The following CCDC171 variants were observed in gnomAD, a reference collection of about 807,000 sequenced individuals.
CCDC171 encodes the protein coiled-coil domain containing 171.
Under a neutral mutation model 168.2 loss-of-function variants are expected in CCDC171, and 177 were observed. The ratio of observed to expected loss-of-function variants is 1.05; its 90% CI spans 0.93 to 1.19. The LOEUF (loss-of-function observed/expected upper bound fraction) is 1.19, where lower values mean the gene tolerates loss of function less well. Among genes scored for constraint, CCDC171 ranks in the 50% most tolerant of loss-of-function variants. The probability of loss-of-function intolerance (pLI) is 0.00; values close to 1 mark genes in which losing one functional copy is unlikely to be tolerated. For missense variants in CCDC171, 1,991 were observed against 1,539.0 expected, an observed-to-expected ratio of 1.29 and a Z score of -4.91; for synonymous variants, 687 against 540.8, an observed-to-expected ratio of 1.27 and a Z score of -3.75.
chr9:15,727,581 T>A (rs908086451), intron 14 of CCDC171, among the ~76,000 whole-genome samples: 2 of 152,168 alleles, frequency 1.3e-5, no homozygotes, highest in Non-Finnish European at 2.9e-5. Flanking sequence ...CCTGAGCAGG[T>A]GTTTACTCAA....
downstream of CCDC171, among the ~76,000 whole-genome samples, chr9:15,974,802 A>C (rs563548594): frequency 1.3e-5 from 2 of 152,296 alleles, no homozygotes; most frequent in East Asian, 3.9e-4. Flanking sequence ...TTCCTATTTC[A>C]TATTTATGAC....
intron 6 of CCDC171, among the ~76,000 whole-genome samples, chr9:15,614,156 T>C (rs901133040): frequency 1.3e-5 from 2 of 152,216 alleles, no homozygotes; most frequent in African/African-American, 4.8e-5. Context: ...ACTGAGGCCT[T>C]CTCAGGGACT....
At chr9:16,082,921 CT>C in the CCDC171 span, among the ~76,000 whole-genome samples, 1 of 152,200 alleles carries the variant, frequency 6.6e-6, no homozygotes, top group Non-Finnish European at 1.5e-5. Flanking sequence ...CCACTCCAAC[CT>C]TATACTCACA....
intron 8 of CCDC171, among the ~76,000 whole-genome samples, chr9:15,661,854 A>T (rs1056932620): frequency 2.6e-5 from 4 of 152,222 alleles, no homozygotes; most frequent in Non-Finnish European, 4.4e-5. Context: ...TATTCCCCAG[A>T]TTTACTGTTT....
At chr9:16,025,403 G>A (rs944306097) in intron 6 of CCDC171, among the ~76,000 whole-genome samples, 1 of 152,194 alleles carries the variant, frequency 6.6e-6, no homozygotes, top group African/African-American at 2.4e-5. Flanking sequence ...GCAGTGAGCT[G>A]AGATTGCGCC....
At chr9:15,620,790 T>C (rs2044440285) in intron 6 of CCDC171, among the ~76,000 whole-genome samples, 1 of 152,186 alleles carries the variant, frequency 6.6e-6, no homozygotes. Flanking sequence ...CAAACTTCTT[T>C]GTTGCCTTAT....
chr9:15,755,341 A>G (rs1236998986), intron 18 of CCDC171, among the ~76,000 whole-genome samples: 2 of 152,202 alleles, frequency 1.3e-5, no homozygotes, highest in Admixed American at 1.3e-4. Flanking sequence ...TGAAAAGGAT[A>G]CAGATGCTTT....
chr9:16,090,214 T>C, the CCDC171 span, among the ~76,000 whole-genome samples: 1 of 152,258 alleles, frequency 6.6e-6, no homozygotes, highest in Admixed American at 6.5e-5. Flanking sequence ...ATGTGACACA[T>C]ATACACCATG....
At chr9:15,814,878 A>G (rs7048479) in intron 21 of CCDC171, among the ~76,000 whole-genome samples, 6,378 of 152,252 alleles carry the variant, frequency 0.042, 308 homozygotes, top group African/African-American at 0.11. Flanking sequence ...TATCGAAAGT[A>G]ATTAGAATAT....
At chr9:15,741,767 T>G (rs1430775304) in intron 16 of CCDC171, among the ~76,000 whole-genome samples, 2 of 152,252 alleles carry the variant, frequency 1.3e-5, no homozygotes, top group East Asian at 3.8e-4. Context: ...ACTTGCTTTT[T>G]GTTGCCTAGT....
chr9:15,636,752 A>G (rs1320572120), intron 7 of CCDC171, among the ~76,000 whole-genome samples: 14 of 142,518 alleles, frequency 9.8e-5, no homozygotes, highest in Admixed American at 9.8e-4. Flanking sequence ...CCTGCCTCAA[A>G]AAAAAAAAAA....
chr9:15,901,115 T>C (rs935881313), intron 24 of CCDC171, among the ~76,000 whole-genome samples: 3 of 152,144 alleles, frequency 2.0e-5, no homozygotes, highest in Non-Finnish European at 1.5e-5. Context: ...TTTTAAAGGT[T>C]TTAAGAGAAA....
At position 15,591,642 on chromosome 9, in the gene CCDC171, C is replaced by T. The variant is rs1295849131; in HGVS notation, c.543+86C>T. ...ATTACTTGAAGTTATCCTGGATTTC[C>T]TTCCTTCCTTTTTCCTTCCTCCTTC... On this transcript the variant is annotated intron_variant, in intron 5 of 25. Transcript: ENST00000380701. 1.8e-5 allele frequency: 14 copies of T among 796,886 alleles called. No homozygotes were observed. The East Asian group carries it at 2.8e-4, about 16-fold the overall frequency. 49.4% of individuals were successfully genotyped at this position (796,886 alleles called of 1,614,324 possible). A position where few individuals can be genotyped will look rare whatever the true frequency, so the allele number is the denominator to read the frequency against.
At chr9:15,558,337 G>T (rs897477422) in intron 1 of CCDC171, among the ~76,000 whole-genome samples, 1 of 152,090 alleles carries the variant, frequency 6.6e-6, no homozygotes, top group Non-Finnish European at 1.5e-5. Flanking sequence ...TGTACCTCTG[G>T]TAGAATTTGG....
intron 18 of CCDC171, among the ~76,000 whole-genome samples, chr9:15,765,513 T>C (rs2056674135): frequency 6.6e-6 from 1 of 152,140 alleles, no homozygotes; most frequent in African/African-American, 2.4e-5. Flanking sequence ...AGGCAGAGTA[T>C]ATGGGTACAG....
At position 15,792,580 on chromosome 9, in the gene CCDC171, C is replaced by T. The variant is rs532383633; in HGVS notation, c.3267+7886C>T. ...GTTAAGGGCAGCCAGAGAGAAAGGT[C>T]GGGTTGCCCACAAAGGGAAGCCCAT... On this transcript the variant is annotated intron_variant, in intron 21 of 25. Coordinates refer to ENST00000380701, the MANE Select transcript of CCDC171 (RefSeq NM_173550.4). 5.1e-3 allele frequency among the ~76,000 whole-genome samples: 770 copies of T among 152,242 alleles called. 3 individuals are homozygous for T. The highest frequency in any genetic ancestry group is 0.01 in the Middle Eastern group (3 of 294).
chr9:15,621,057 C>G (rs1173113715), intron 6 of CCDC171, among the ~76,000 whole-genome samples: 1 of 152,130 alleles, frequency 6.6e-6, no homozygotes, highest in Non-Finnish European at 1.5e-5. Flanking sequence ...TCTCTGCTTC[C>G]TGGGTTCAAG....
intron 2 of CCDC171, among the ~76,000 whole-genome samples, chr9:15,565,220 C>A (rs2039636202): frequency 6.6e-6 from 1 of 151,934 alleles, no homozygotes. Context: ...TCCTAAGTAG[C>A]TGGGATTATA....
At chr9:16,060,872 G>C (rs1451990078) in exon 2 of CCDC171, 1 of 152,056 alleles carries the variant, frequency 6.6e-6, no homozygotes, top group Non-Finnish European at 1.5e-5. Flanking sequence ...TGTGTTTTTT[G>C]CAAAAGCAGT....
Sources: gnomAD v4.1 joint callset for allele counts (sites outside exome capture counted in the v4.1 genomes callset) on GRCh38, gnomAD v4.1.1 for gene constraint, MANE v1.5 for transcripts, NCBI Gene and HGNC (gene_info 2026-07-23, HGNC 2026-07-21) for gene names.